Variants in AGBL1 observed in about 807,000 individuals in gnomAD.
AGBL1 encodes AGBL carboxypeptidase 1, also known as cytosolic carboxypeptidase 4.
AGBL1 carries 130 observed loss-of-function variants against 118.9 expected under a neutral mutation model. The observed-to-expected ratio is 1.09, with a 90% CI of 0.95 to 1.26. The LOEUF is 1.26. Among genes scored for constraint, AGBL1 ranks in the 50% most tolerant of loss-of-function variants. The pLI, the probability that AGBL1 is intolerant of heterozygous loss-of-function variation, is 0.00. For synonymous variants in AGBL1, 555 were observed against 478.9 expected (o/e 1.16, Z -2.08); for missense variants, 1,584 against 1,298.1 (o/e 1.22, Z -3.38).
chr15:87,007,738 G>A (rs2081519482), intron 24 of AGBL1, among the ~76,000 whole-genome samples: 1 of 152,196 alleles, frequency 6.6e-6, no homozygotes, highest in Non-Finnish European at 1.5e-5. Flanking sequence ...CATCACAGGA[G>A]CAAATGGGAA....
chr15:86,676,672 T>C (rs1360275709), intron 22 of AGBL1, among the ~76,000 whole-genome samples: 1 of 152,150 alleles, frequency 6.6e-6, no homozygotes, highest in Non-Finnish European at 1.5e-5. Flanking sequence ...TCTACCACCC[T>C]CCTCTCCTCC....
rs373541621 is a variant in AGBL1 at position 86,142,166 on chromosome 15, C to T, written c.115+99C>T. On this transcript the variant is annotated intron_variant, in intron 2 of 22. Coordinates refer to ENST00000614907, the MANE Select transcript of AGBL1 (RefSeq NM_001386094.1). ...TCTGTGACCTGGGGGTTTGCTCTTGCTTCAGTTTCCTGTGAGAGGCAGCAT... is the reference window on the plus strand; with the variant it reads ...TCTGTGACCTGGGGGTTTGCTCTTGTTTCAGTTTCCTGTGAGAGGCAGCAT... 19 of 1,213,920 alleles carry T rather than the reference C, an allele frequency of 1.6e-5. No individual in the cohort carries two copies. In the East Asian group the frequency reaches 3.9e-4, roughly 25 times the overall value. 75.2% of individuals were successfully genotyped at this position (1,213,920 alleles called of 1,614,324 possible).
At chr15:86,767,646 G>T (rs1369991501) in intron 22 of AGBL1, among the ~76,000 whole-genome samples, 1 of 151,746 alleles carries the variant, frequency 6.6e-6, no homozygotes, top group Non-Finnish European at 1.5e-5. Flanking sequence ...CTTTCCCATG[G>T]ATTTATTAAT....
At chr15:86,574,899 GTGAT>G (rs1306643723) in intron 21 of AGBL1, among the ~76,000 whole-genome samples, 1 of 151,728 alleles carries the variant, frequency 6.6e-6, no homozygotes, top group East Asian at 2.0e-4. Context: ...AATTATAAAA[GTGAT>G]TGCATGGCTG....
At chr15:86,664,812 AAATTT>A (rs1428616143) in intron 21 of AGBL1, among the ~76,000 whole-genome samples, 1 of 151,350 alleles carries the variant, frequency 6.6e-6, no homozygotes, top group African/African-American at 2.4e-5. Flanking sequence ...AGTTAATTTT[AAATTT>A]AATTTTATTT....
At chr15:86,298,244 A>AT (rs1350797793) in intron 17 of AGBL1, among the ~76,000 whole-genome samples, 1,315 of 19,528 alleles carry the variant, frequency 0.067, 74 homozygotes, top group African/African-American at 0.23. Context: ...GTGTCTGTGT[A>AT]TAATATATAT....
chr15:86,174,158 T>C (rs2077451758), intron 5 of AGBL1, among the ~76,000 whole-genome samples: 1 of 152,148 alleles, frequency 6.6e-6, no homozygotes, highest in Admixed American at 6.6e-5. Context: ...CTTCTAGAGG[T>C]CTTTCACCTA....
At chr15:86,776,333 T>C (rs1406222098) in intron 22 of AGBL1, among the ~76,000 whole-genome samples, 1 of 152,106 alleles carries the variant, frequency 6.6e-6, no homozygotes, top group African/African-American at 2.4e-5. Flanking sequence ...GTGATATCCA[T>C]GTAGTTGCCC....
intron 1 of AGBL1, among the ~76,000 whole-genome samples, chr15:86,090,302 G>C (rs559325674): frequency 6.6e-6 from 1 of 152,022 alleles, no homozygotes; most frequent in South Asian, 2.1e-4. Context: ...GGTAATACCT[G>C]TTCACTATTT....
chr15:86,551,338 T>G (rs1185284339), intron 20 of AGBL1, among the ~76,000 whole-genome samples: 2 of 152,128 alleles, frequency 1.3e-5, no homozygotes, highest in Non-Finnish European at 2.9e-5. Context: ...AAAATGATCA[T>G]TATTTAGCTA....
Position 86,984,775 on chromosome 15 carries a change from T to C in AGBL1, c.3222-3212T>C, listed in dbSNP as rs1161703998. Among the ~76,000 whole-genome samples the C allele has an allele frequency of 3.9e-5, 6 of 152,276 alleles. No individual in the cohort carries two copies. In the South Asian group the frequency reaches 6.2e-4, roughly 16 times the overall value. On this transcript the variant is annotated intron_variant, in intron 23 of 24. Coordinates refer to the AGBL1 transcript ENST00000441037. ...CCCAGTTAGTGGCTTGCTTTTTTATTTTAACGGTGTCATTAAAAAAATATC... is the reference window on the plus strand; with the variant it reads ...CCCAGTTAGTGGCTTGCTTTTTTATCTTAACGGTGTCATTAAAAAAATATC...
intron 1 of AGBL1, among the ~76,000 whole-genome samples, chr15:86,090,396 G>A (rs180933404): frequency 2.0e-5 from 3 of 152,100 alleles, no homozygotes; most frequent in South Asian, 4.1e-4. Context: ...AGACAACTTC[G>A]TAAGCACTTG....
At chr15:86,645,834 G>A (rs894034120) in intron 21 of AGBL1, among the ~76,000 whole-genome samples, 1 of 152,226 alleles carries the variant, frequency 6.6e-6, no homozygotes, top group East Asian at 1.9e-4. Context: ...CACCACCAAT[G>A]AGCTGAACGT....
chr15:86,544,502 G>A (rs2083550867), intron 19 of AGBL1, among the ~76,000 whole-genome samples: 1 of 152,182 alleles, frequency 6.6e-6, no homozygotes, highest in African/African-American at 2.4e-5. Flanking sequence ...AGGTTTAATT[G>A]GCTCACAGTT....
At chr15:86,666,627 G>T (rs1327720372) in intron 21 of AGBL1, among the ~76,000 whole-genome samples, 1 of 152,146 alleles carries the variant, frequency 6.6e-6, no homozygotes, top group Non-Finnish European at 1.5e-5. Flanking sequence ...TTAGTGTCAA[G>T]TACGATTTTG....
At chr15:86,501,352 G>T (rs865945424) in intron 18 of AGBL1, among the ~76,000 whole-genome samples, 1 of 151,494 alleles carries the variant, frequency 6.6e-6, no homozygotes, top group African/African-American at 2.4e-5. Flanking sequence ...TGATTGGATT[G>T]TTTGTATTAT....
rs781100419 is a variant in AGBL1, at chr15:86,389,924, C to A, written c.2375-7442C>A. 1.2e-3 allele frequency among the ~76,000 whole-genome samples: 178 copies of A among 152,086 alleles called. 1 individual carries two copies. Among genetic ancestry groups the A allele is most frequent in the East Asian group, 1.9e-3 (10 of 5,184 alleles). Reference sequence around the variant, plus strand: ...TTGATAGCTATATGCCAATATAAATCATTAATTATATCAAATGGAAATTTT... The same window carrying A: ...TTGATAGCTATATGCCAATATAAATAATTAATTATATCAAATGGAAATTTT... On this transcript the variant is annotated intron_variant, in intron 17 of 22. Coordinates refer to ENST00000614907, the MANE Select transcript of AGBL1 (RefSeq NM_001386094.1).
intron 5 of AGBL1, among the ~76,000 whole-genome samples, chr15:86,196,449 C>G (rs1206701825): frequency 6.6e-6 from 1 of 152,086 alleles, no homozygotes. Context: ...GTCTCAGAAT[C>G]CCCAAATGTA....
chr15:86,780,642 G>T (rs1427553727), intron 22 of AGBL1, among the ~76,000 whole-genome samples: 1 of 149,738 alleles, frequency 6.7e-6, no homozygotes, highest in Non-Finnish European at 1.5e-5. Context: ...CAATTAATTG[G>T]GTCTTCTTTA....
Sources: allele counts gnomAD v4.1 joint callset (sites outside exome capture counted in the v4.1 genomes callset), GRCh38; gene constraint gnomAD v4.1.1; transcripts MANE v1.5; gene names NCBI Gene and HGNC (gene_info 2026-07-23, HGNC 2026-07-21).